Variants in TMEM135 observed in about 807,000 individuals in gnomAD.
TMEM135 encodes transmembrane protein 135.
In TMEM135, 30 loss-of-function variants were observed where a neutral mutation model predicts 60.3. That is an observed-to-expected ratio of 0.50 (90% CI 0.37 to 0.68). The LOEUF (loss-of-function observed/expected upper bound fraction) is 0.68, where lower values mean the gene tolerates loss of function less well. Ranked by LOEUF, TMEM135 falls within the 30% of genes least tolerant of loss-of-function variation. The pLI, the probability that TMEM135 is intolerant of heterozygous loss-of-function variation, is 0.00. For synonymous variants in TMEM135, 190 were observed against 186.7 expected, an observed-to-expected ratio of 1.02 and a Z score of -0.14; for missense variants, 468 against 548.8, an observed-to-expected ratio of 0.85 and a Z score of 1.47.
At chr11:87,089,828 T>C (rs909036327) in intron 3 of TMEM135, among the ~76,000 whole-genome samples, 1 of 152,116 alleles carries the variant, frequency 6.6e-6, no homozygotes, top group African/African-American at 2.4e-5. Flanking sequence ...TGAGAACTAG[T>C]AAGAACACTT....
chr11:87,192,886 G>C (rs1939845539), intron 5 of TMEM135, among the ~76,000 whole-genome samples: 2 of 152,112 alleles, frequency 1.3e-5, no homozygotes, highest in African/African-American at 4.8e-5. Context: ...TGGCAAAGGT[G>C]GGCAGATCAC....
chr11:87,321,098 C>T, intron 14 of TMEM135, 103 bp from the exon 15 acceptor site: 1 of 1,076,446 alleles, frequency 9.3e-7, no homozygotes, highest in South Asian at 1.6e-5. Context: ...GCCACGTTAG[C>T]CTTTTCTGTT....
intron 5 of TMEM135, among the ~76,000 whole-genome samples, chr11:87,202,883 A>T (rs935158959): frequency 6.6e-6 from 1 of 151,672 alleles, no homozygotes; most frequent in Non-Finnish European, 1.5e-5. Context: ...ATACAAAAAA[A>T]TTAGCTGGGC....
intron 3 of TMEM135, among the ~76,000 whole-genome samples, chr11:87,077,917 T>A (rs1218276408): frequency 6.6e-6 from 1 of 152,238 alleles, no homozygotes; most frequent in Non-Finnish European, 1.5e-5. Context: ...TACGTATCAT[T>A]TCATTACATT....
chr11:87,127,141 A>G (rs1342776017), intron 4 of TMEM135, among the ~76,000 whole-genome samples: 3 of 152,222 alleles, frequency 2.0e-5, no homozygotes, highest in Non-Finnish European at 2.9e-5. Context: ...CTTTTGACTT[A>G]AATAAGACAA....
At chr11:87,065,345 C>A (rs1856628614) in intron 1 of TMEM135, among the ~76,000 whole-genome samples, 1 of 152,188 alleles carries the variant, frequency 6.6e-6, no homozygotes, top group African/African-American at 2.4e-5. Flanking sequence ...CTGAATCCTT[C>A]CAACATTTGA....
chr11:87,269,394 T>C (rs1408721486), intron 6 of TMEM135, among the ~76,000 whole-genome samples: 2 of 151,500 alleles, frequency 1.3e-5, no homozygotes, highest in Admixed American at 6.6e-5. Flanking sequence ...GTGCACAATG[T>C]GCAGGTTAGT....
Position 87,327,767 on chromosome 11 carries a change from G to C in TMEM135, c.*6434G>C, listed in dbSNP as rs1028682955. The C allele has an allele frequency of 8.8e-6, 4 of 453,938 alleles. No homozygotes were observed. The highest frequency in any genetic ancestry group is 8.0e-5 in the African/African-American group (4 of 49,984). The allele number at this position is 453,938 out of a possible 1,614,324, so 28.1% of individuals were successfully genotyped here. A position where few individuals can be genotyped will look rare whatever the true frequency, so the allele number is the denominator to read the frequency against. ...TTTTCAAGTCTGAGAACCTGGGGGT[G>C]GGATGGGGGAGTGATAGTTTTAAGT... On this transcript the variant is annotated 3_prime_UTR_variant, in exon 15 of 15. Coordinates refer to ENST00000305494, the MANE Select transcript of TMEM135 (RefSeq NM_022918.4).
Position 87,189,323 on chromosome 11 carries a change from G to A in TMEM135, c.462+31917G>A, listed in dbSNP as rs182895237. Among the ~76,000 whole-genome samples the A allele has an allele frequency of 2.6e-3, 390 of 152,148 alleles. 1 individual carries two copies. The highest frequency in any genetic ancestry group is 0.018 in the South Asian group (89 of 4,820). The stretch of plus-strand genomic sequence containing the variant: ...TCACAGGCATGTGCCACCATGCCTG[G>A]CTAATTTTTATATTTTTAGTAGAGA... On this transcript the variant is annotated intron_variant, in intron 5 of 14. Transcript: ENST00000305494.
chr11:87,258,184 G>T (rs1941568237), intron 6 of TMEM135, among the ~76,000 whole-genome samples: 1 of 104,576 alleles, frequency 9.6e-6, no homozygotes, highest in South Asian at 3.3e-4. Flanking sequence ...TGTTTATTTT[G>T]GGGAAAAGCC....
chr11:87,184,511 G>A (rs1939601715), intron 5 of TMEM135, among the ~76,000 whole-genome samples: 1 of 152,104 alleles, frequency 6.6e-6, no homozygotes. Flanking sequence ...GTGAATTTTA[G>A]AACTGCTTAG....
intron 5 of TMEM135, among the ~76,000 whole-genome samples, chr11:87,217,662 G>A (rs1940531329): frequency 6.6e-6 from 1 of 152,054 alleles, no homozygotes; most frequent in Non-Finnish European, 1.5e-5. Context: ...GCTCATGCCT[G>A]TAATCCCAGC....
At chr11:87,256,848 C>G (rs1486301780) in intron 6 of TMEM135, among the ~76,000 whole-genome samples, 1 of 152,038 alleles carries the variant, frequency 6.6e-6, no homozygotes, top group Non-Finnish European at 1.5e-5. Context: ...CACTCTTCCT[C>G]TTTTCCTCCC....
In TMEM135 at chr11:87,272,759, G is replaced by C. The variant is rs188519078; in HGVS notation, c.510-23023G>C. On this transcript the variant is annotated intron_variant, in intron 6 of 14. Coordinates refer to ENST00000305494, the MANE Select transcript of TMEM135 (RefSeq NM_022918.4). ...CTACAGATGTGAGCCATCATACCCA[G>C]CATCCAGCACTGTAATGATTCTGAT... 7.2e-5 allele frequency among the ~76,000 whole-genome samples: 11 copies of C among 152,274 alleles called. No homozygotes were observed. In the East Asian group the frequency reaches 2.1e-3, roughly 29 times the overall value.
intron 3 of TMEM135, among the ~76,000 whole-genome samples, chr11:87,084,926 C>T (rs529576125): frequency 8.7e-4 from 132 of 152,242 alleles, no homozygotes; most frequent in Non-Finnish European, 1.6e-3. Flanking sequence ...CTAATGGGCA[C>T]CTCCCCCTCT....
At chr11:87,080,384 T>G (rs1856964813) in intron 3 of TMEM135, among the ~76,000 whole-genome samples, 1 of 152,164 alleles carries the variant, frequency 6.6e-6, no homozygotes, top group Non-Finnish European at 1.5e-5. Context: ...CAGGCATTGC[T>G]ACATCTCCCC....
At chr11:87,082,546 C>T (rs186096461) in intron 3 of TMEM135, among the ~76,000 whole-genome samples, 35 of 152,146 alleles carry the variant, frequency 2.3e-4, no homozygotes, top group Non-Finnish European at 2.9e-4. Context: ...CAGCAGGCAG[C>T]TGGAAATGTG....
intron 5 of TMEM135, among the ~76,000 whole-genome samples, chr11:87,226,440 T>C (rs10898622): frequency 0.48 from 73,037 of 152,062 alleles, 18,727 homozygotes; most frequent in Non-Finnish European, 0.59. Flanking sequence ...CTGTAATCTT[T>C]CAAGTAGCAA....
chr11:87,038,773 G>A (rs1175776779), intron 1 of TMEM135, among the ~76,000 whole-genome samples: 1 of 152,008 alleles, frequency 6.6e-6, no homozygotes, highest in Admixed American at 6.6e-5. Context: ...TGTGTGTGGT[G>A]ATTTAAAGGG....
Sources: allele counts gnomAD v4.1 joint callset (sites outside exome capture counted in the v4.1 genomes callset), GRCh38; gene constraint gnomAD v4.1.1; transcripts MANE v1.5; gene names NCBI Gene and HGNC (gene_info 2026-07-23, HGNC 2026-07-21).